The following CREB1 variants were observed in gnomAD, a reference collection of about 807,000 sequenced individuals.
CREB1 encodes cAMP responsive element binding protein 1.
CREB1 carries 2 observed loss-of-function variants against 42.0 expected under a neutral mutation model. That is an observed-to-expected ratio of 0.05 (90% CI 0.02 to 0.15). The LOEUF is 0.15. CREB1 is among the 10% of genes least tolerant of loss of function. CREB1 has a pLI of 1.00. For missense variants in CREB1, 199 were observed against 388.9 expected (o/e 0.51, Z 4.11); for synonymous variants, 123 against 139.9 (o/e 0.88, Z 0.85).
chr2:207,544,200 C>T (rs997577324), intron 1 of CREB1, among the ~76,000 whole-genome samples: 5 of 152,212 alleles, frequency 3.3e-5, no homozygotes, highest in Non-Finnish European at 5.9e-5. Flanking sequence ...AGCCACTGCC[C>T]GGCCAAAATT....
chr2:207,565,027 G>T (rs1313991562), intron 3 of CREB1, among the ~76,000 whole-genome samples: 8 of 149,480 alleles, frequency 5.4e-5, no homozygotes, highest in Non-Finnish European at 1.0e-4. Flanking sequence ...TCAGTTATGT[G>T]GGTCCAGTAT....
chr2:207,600,046 A>G lies in CREB1; in HGVS notation c.*2988A>G. The G allele has an allele frequency of 5.3e-6, 1 of 188,146 alleles. No homozygotes were observed. Among genetic ancestry groups the G allele is most frequent in the Non-Finnish European group, 1.1e-5 (1 of 89,378 alleles). 11.7% of individuals were successfully genotyped at this position (188,146 alleles called of 1,614,324 possible). ...TCTTATGAGTTTTCAAGCTTTGATA[A>G]TGTTTAACTGAAAAGTGGCTTAGAA... is the stretch of plus-strand genomic sequence containing the variant. On this transcript the variant is annotated 3_prime_UTR_variant, in exon 8 of 8. Transcript: ENST00000353267.
Position 207,575,287 on chromosome 2 carries a change from G to A in CREB1, c.521G>A (p.Gly174Glu), listed in dbSNP as rs1436046246. 2 of 1,613,694 alleles carry A rather than the reference G, an allele frequency of 1.2e-6. No homozygotes were observed. Among genetic ancestry groups the A allele is most frequent in the East Asian group, 4.5e-5 (2 of 44,886 alleles). Residue 174 changes from glycine to glutamate, a missense_variant, in exon 6 of 8, where the codon GGA becomes GAA. Transcript: ENST00000353267. The part of the protein sequence containing the change: ...SSGQYIAITQ[G>E]GAIQLANNGT... Reference sequence around the variant, plus strand: ...TGGCTTTTAGTTGCCATTACCCAGGGAGGAGCAATACAGCTGGCTAACAAT... The same window carrying A: ...TGGCTTTTAGTTGCCATTACCCAGGAAGGAGCAATACAGCTGGCTAACAAT...
chr2:207,598,476 CAGTT>C lies in CREB1; in HGVS notation c.*1420_*1423del. 1 of 125,370 alleles carries C rather than the reference CAGTT, an allele frequency of 8.0e-6. No homozygotes were observed. Among genetic ancestry groups the C allele is most frequent in the Non-Finnish European group, 1.5e-5 (1 of 67,066 alleles). The allele number at this position is 125,370 out of a possible 1,614,324, so 7.8% of individuals were successfully genotyped here. A position where few individuals can be genotyped will look rare whatever the true frequency, so the allele number is the denominator to read the frequency against. ...TATTCACTAAGCTCGATAAATCTAA[CAGTT>C]ACTCTTAAAAAAAAAAAAAAAAGAC... On this transcript the variant is annotated 3_prime_UTR_variant, in exon 8 of 8. Transcript: ENST00000353267.
chr2:207,578,938 C>T (rs1234607423), intron 7 of CREB1, among the ~76,000 whole-genome samples: 3 of 151,950 alleles, frequency 2.0e-5, no homozygotes, highest in Non-Finnish European at 4.4e-5. Flanking sequence ...TTACAGGTGC[C>T]CACCACCACG....
chr2:207,563,355 C>T (rs1447385721), intron 3 of CREB1, among the ~76,000 whole-genome samples: 8 of 152,050 alleles, frequency 5.3e-5, no homozygotes, highest in Non-Finnish European at 1.0e-4. Context: ...AGGAGTCTTC[C>T]GGAGTTTCAG....
At chr2:207,581,960 G>A in intron 7 of CREB1, 1 of 702,302 alleles carries the variant, frequency 1.4e-6, no homozygotes, top group Non-Finnish European at 2.6e-6. Context: ...TGGATAGATT[G>A]AGATAATAGG....
chr2:207,588,570 TTTAG>T (rs1262352150), intron 7 of CREB1, among the ~76,000 whole-genome samples: 3 of 152,188 alleles, frequency 2.0e-5, no homozygotes, highest in Admixed American at 6.5e-5. Context: ...GTGCTAGAAT[TTTAG>T]TTAGGATTGT....
rs1333532915 is a variant in CREB1, at chr2:207,597,593, T to C, written c.*535T>C. On this transcript the variant is annotated 3_prime_UTR_variant, in exon 8 of 8. Coordinates refer to ENST00000353267, the MANE Select transcript of CREB1 (RefSeq NM_004379.5). ...AGACATACCCTCTAAAAAAGAACTTTAGCATGGTATTGAAGGAATTAGAAA... is the reference window on the plus strand; with the variant it reads ...AGACATACCCTCTAAAAAAGAACTTCAGCATGGTATTGAAGGAATTAGAAA... The C allele has an allele frequency of 2.9e-5, 6 of 208,750 alleles. No individual in the cohort carries two copies. The highest frequency in any genetic ancestry group is 5.9e-5 in the Non-Finnish European group (6 of 102,380). The allele number at this position is 208,750 out of a possible 1,614,324, so 12.9% of individuals were successfully genotyped here.
intron 7 of CREB1, among the ~76,000 whole-genome samples, chr2:207,583,906 T>C (rs1489878641): frequency 2.0e-5 from 3 of 152,218 alleles, no homozygotes; most frequent in South Asian, 4.1e-4. Flanking sequence ...TTCCATAATC[T>C]CTTATAAATG....
intron 7 of CREB1, 123 bp from the exon 8 acceptor site, chr2:207,596,791 T>C: frequency 8.9e-7 from 1 of 1,129,628 alleles, no homozygotes; most frequent in Admixed American, 2.7e-5. Flanking sequence ...TTTCCAATGC[T>C]TAATATATAC....
Position 207,603,307 on chromosome 2 carries a change from G to A in CREB1, c.*6249G>A, listed in dbSNP as rs1356326115. ...TGCTTTGTATATTAAAGTGATCCTT[G>A]TGAATTTGTGAAATATTGTCATAAA... On this transcript the variant is annotated 3_prime_UTR_variant, in exon 8 of 8. Transcript: ENST00000353267. 5 of 222,862 alleles carry A rather than the reference G, an allele frequency of 2.2e-5. No individual in the cohort carries two copies. In the East Asian group the frequency reaches 3.3e-4, roughly 15 times the overall value. The allele number at this position is 222,862 out of a possible 1,614,324, so 13.8% of individuals were successfully genotyped here.
rs557917540 is a variant in CREB1 at position 207,602,475 on chromosome 2, T to A, written c.*5417T>A. The A allele has an allele frequency of 6.1e-4, 124 of 203,136 alleles. No individual in the cohort carries two copies. The highest frequency in any genetic ancestry group is 2.4e-3 in the African/African-American group (106 of 43,756). 12.6% of individuals were successfully genotyped at this position (203,136 alleles called of 1,614,324 possible). A position where few individuals can be genotyped will look rare whatever the true frequency, so the allele number is the denominator to read the frequency against. On this transcript the variant is annotated 3_prime_UTR_variant, in exon 8 of 8. Transcript: ENST00000353267. ...GGATCAAAGAGTAGGAAATTCACAT[T>A]TGACCTAACATTACTTGCCTATAGA...
At chr2:207,554,001 C>G (rs1377824764) in intron 1 of CREB1, among the ~76,000 whole-genome samples, 1 of 152,044 alleles carries the variant, frequency 6.6e-6, no homozygotes, top group Non-Finnish European at 1.5e-5. Context: ...TAATGGTTCT[C>G]TTAATGATGG....
At chr2:207,577,280 T>C in intron 6 of CREB1, 1 of 1,066,952 alleles carries the variant, frequency 9.4e-7, no homozygotes, top group Non-Finnish European at 1.2e-6. Flanking sequence ...AAATAAAATG[T>C]AAGATCCAGC....
rs2087201946 is a variant in CREB1, at chr2:207,602,294, A to G, written c.*5236A>G. ...AGCCGGTGATGCAAGTTGATATTATAAACAGGCAGTTTTAGCACAGAAAGA... is the reference window on the plus strand; with the variant it reads ...AGCCGGTGATGCAAGTTGATATTATGAACAGGCAGTTTTAGCACAGAAAGA... On this transcript the variant is annotated 3_prime_UTR_variant, in exon 8 of 8. Transcript: ENST00000353267. 5.2e-6 allele frequency: 1 copy of G among 193,710 alleles called. No individual in the cohort carries two copies. The highest frequency in any genetic ancestry group is 6.1e-5 in the Admixed American group (1 of 16,372). 12.0% of individuals were successfully genotyped at this position (193,710 alleles called of 1,614,324 possible).
intron 1 of CREB1, among the ~76,000 whole-genome samples, chr2:207,549,513 A>G (rs946536817): frequency 2.0e-5 from 3 of 152,234 alleles, no homozygotes; most frequent in South Asian, 4.1e-4. Flanking sequence ...GCTAAAATCT[A>G]TCGTGTAGCA....
chr2:207,550,073 A>G (rs1393653403), intron 1 of CREB1, among the ~76,000 whole-genome samples: 2 of 152,210 alleles, frequency 1.3e-5, no homozygotes, highest in African/African-American at 4.8e-5. Context: ...ATAATTATGT[A>G]TCACATGTAG....
chr2:207,562,597 G>A (rs2081995380), intron 3 of CREB1, among the ~76,000 whole-genome samples: 1 of 152,034 alleles, frequency 6.6e-6, no homozygotes, highest in South Asian at 2.1e-4. Context: ...TGGACTTATT[G>A]AACCCTGGAT....
Sources: gnomAD v4.1 joint callset for allele counts (sites outside exome capture counted in the v4.1 genomes callset) on GRCh38, gnomAD v4.1.1 for gene constraint, MANE v1.5 for transcripts, NCBI Gene and HGNC (gene_info 2026-07-23, HGNC 2026-07-21) for gene names.